PTAR1: variants seen among roughly 807,000 people sequenced by gnomAD.
PTAR1 encodes the protein protein prenyltransferase alpha subunit repeat containing 1, also known as protein prenyltransferase alpha subunit repeat-containing protein 1.
Under a neutral mutation model 45.5 loss-of-function variants are expected in PTAR1, and 17 were observed. The ratio of observed to expected loss-of-function variants is 0.37; its 90% CI spans 0.26 to 0.56. The LOEUF is 0.56. Among genes scored for constraint, PTAR1 ranks in the 20% least tolerant of loss-of-function variants. PTAR1 has a pLI of 0.77. For synonymous variants in PTAR1, 169 were observed against 171.3 expected (o/e 0.99, Z 0.11); for missense variants, 391 against 476.3 (o/e 0.82, Z 1.67).
At chr9:69,758,699 C>A in intron 1 of PTAR1, 3 of 413,790 alleles carry the variant, frequency 7.3e-6, no homozygotes, top group South Asian at 3.5e-5. Flanking sequence ...GTTTTACAAT[C>A]ATCACCTTGG....
chr9:69,743,657 G>A (rs1444198942), intron 2 of PTAR1, among the ~76,000 whole-genome samples: 1 of 151,832 alleles, frequency 6.6e-6, no homozygotes, highest in East Asian at 1.9e-4. Flanking sequence ...GTAGTTTTTG[G>A]CACTAACTTA....
chr9:69,732,193 A>G lies in PTAR1; in HGVS notation c.588T>C (p.Asn196=). 1 of 1,613,830 alleles carries G rather than the reference A, an allele frequency of 6.2e-7. No individual in the cohort carries two copies. Among genetic ancestry groups the G allele is most frequent in the Non-Finnish European group, 8.5e-7 (1 of 1,179,824 alleles). ...AAACCCAGATGCGATGGGACCAAGC[A>G]TTATAGTTGCTTGGGTATCTCCCTG... ...EAAGRYPSNY[N]AWSHRIWVLQ... The change falls in exon 5 of 8, where the codon AAT becomes AAC. Residue 196 remains asparagine, a synonymous_variant. Transcript: ENST00000340434.
chr9:69,734,560 G>A (rs924165938), intron 3 of PTAR1, among the ~76,000 whole-genome samples: 2 of 151,976 alleles, frequency 1.3e-5, no homozygotes, highest in African/African-American at 4.8e-5. Context: ...GGGTAAATGG[G>A]GTTTTCTGGC....
chr9:69,722,639 G>A (rs1163745804), intron 6 of PTAR1, among the ~76,000 whole-genome samples: 11 of 150,376 alleles, frequency 7.3e-5, no homozygotes, highest in Non-Finnish European at 1.6e-4. Flanking sequence ...CTTTTTCTAG[G>A]GGGGAAAAAA....
chr9:69,726,984 G>A (rs1383163978), intron 5 of PTAR1, among the ~76,000 whole-genome samples: 1 of 144,580 alleles, frequency 6.9e-6, no homozygotes, highest in Non-Finnish European at 1.5e-5. Flanking sequence ...TCTCCCTCAG[G>A]TCTATTGAAG....
chr9:69,734,802 T>C (rs1469130339), intron 3 of PTAR1, among the ~76,000 whole-genome samples: 1 of 152,198 alleles, frequency 6.6e-6, no homozygotes, highest in Non-Finnish European at 1.5e-5. Context: ...CCCTTCTACT[T>C]TTCCCTATCA....
At chr9:69,746,880 A>G (rs555796742) in intron 2 of PTAR1, among the ~76,000 whole-genome samples, 3 of 152,344 alleles carry the variant, frequency 2.0e-5, no homozygotes, top group South Asian at 4.1e-4. Context: ...GGATTTGACA[A>G]CTGTCTCTAA....
rs1588438764 is a variant in PTAR1 at position 69,717,091 on chromosome 9, G to A, written c.*1251C>T. The A allele has an allele frequency of 1.3e-5, 2 of 152,238 alleles. No individual in the cohort carries two copies. The highest frequency in any genetic ancestry group is 2.1e-4 in the South Asian group (1 of 4,822). 9.4% of individuals were successfully genotyped at this position (152,238 alleles called of 1,614,324 possible). A position where few individuals can be genotyped will look rare whatever the true frequency, so the allele number is the denominator to read the frequency against. On this transcript the variant is annotated 3_prime_UTR_variant, in exon 8 of 8. Transcript: ENST00000340434. Reference sequence around the variant, plus strand: ...AAACATAAGATACGGCTATAATGTGGATACTTTGGTACCTCATCCCTGATT... The same window carrying A: ...AAACATAAGATACGGCTATAATGTGAATACTTTGGTACCTCATCCCTGATT...
intron 2 of PTAR1, among the ~76,000 whole-genome samples, chr9:69,743,717 A>G (rs901259519): frequency 1.3e-5 from 2 of 152,226 alleles, no homozygotes; most frequent in Non-Finnish European, 2.9e-5. Flanking sequence ...TATTCATTTA[A>G]TTCCACAAAT....
At chr9:69,722,111 A>G (rs1262329222) in intron 6 of PTAR1, among the ~76,000 whole-genome samples, 1 of 152,212 alleles carries the variant, frequency 6.6e-6, no homozygotes, top group East Asian at 1.9e-4. Flanking sequence ...TGTTCTGAAT[A>G]TATTTAGTAA....
chr9:69,731,175 CATT>C (rs1825516924), intron 5 of PTAR1, among the ~76,000 whole-genome samples: 1 of 152,082 alleles, frequency 6.6e-6, no homozygotes, highest in Non-Finnish European at 1.5e-5. Flanking sequence ...AAAAGTCTCC[CATT>C]TGCCCTGGCC....
intron 3 of PTAR1, among the ~76,000 whole-genome samples, chr9:69,741,095 T>A (rs1424229505): frequency 6.6e-6 from 1 of 152,154 alleles, no homozygotes; most frequent in Non-Finnish European, 1.5e-5. Flanking sequence ...GTCTCAGGGC[T>A]CAGTCTTTGA....
intron 1 of PTAR1, among the ~76,000 whole-genome samples, chr9:69,753,150 T>A (rs963849776): frequency 7.4e-5 from 11 of 147,750 alleles, no homozygotes; most frequent in Admixed American, 1.4e-4. Context: ...ATTTTTTTTT[T>A]AAACTTAAAT....
rs11298970 is a variant in PTAR1 at position 69,740,654 on chromosome 9, GAAAA to G, written c.323+1134_323+1137del. Among the ~76,000 whole-genome samples the G allele has an allele frequency of 7.1e-4, 102 of 143,100 alleles. 1 individual carries two copies. Among genetic ancestry groups the G allele is most frequent in the East Asian group, 4.7e-3 (23 of 4,944 alleles). The allele number at this position is 143,100 out of a possible 152,430, so 93.9% of individuals were successfully genotyped here. On this transcript the variant is annotated intron_variant, in intron 3 of 7. Transcript: ENST00000340434. ...AGTTAGATGCTAAGGAAACAAAGGG[GAAAA>G]AAAAAAAAAAAAAGACATGGTCCCT...
chr9:69,751,740 T>C (rs1284390388), intron 1 of PTAR1, among the ~76,000 whole-genome samples: 1 of 152,050 alleles, frequency 6.6e-6, no homozygotes, highest in African/African-American at 2.4e-5. Context: ...GGGCCATTTT[T>C]TCTTCTTTAT....
At chr9:69,752,175 T>C (rs941075896) in intron 1 of PTAR1, among the ~76,000 whole-genome samples, 3 of 152,112 alleles carry the variant, frequency 2.0e-5, no homozygotes, top group African/African-American at 7.2e-5. Context: ...TTTCAGAGTT[T>C]GTGTGTGACA....
chr9:69,739,570 T>C (rs919398926), intron 3 of PTAR1, among the ~76,000 whole-genome samples: 2 of 152,300 alleles, frequency 1.3e-5, no homozygotes, highest in Admixed American at 1.3e-4. Context: ...CATTATTCTT[T>C]AGCAGTTTGA....
Position 69,715,406 on chromosome 9 carries a change from T to C in PTAR1, c.*2936A>G, listed in dbSNP as rs536625341. 3 of 152,246 alleles carry C rather than the reference T, an allele frequency of 2.0e-5. No homozygotes were observed. Among genetic ancestry groups the C allele is most frequent in the East Asian group, 3.9e-4 (2 of 5,184 alleles). 9.4% of individuals were successfully genotyped at this position (152,246 alleles called of 1,614,324 possible). ...ATAAATATTTAATGAGTCCTCACAATGTGCAGGGCACAAGTAGAATCTGGA... is the reference window on the plus strand; with the variant it reads ...ATAAATATTTAATGAGTCCTCACAACGTGCAGGGCACAAGTAGAATCTGGA... On this transcript the variant is annotated 3_prime_UTR_variant, in exon 8 of 8. Transcript: ENST00000340434.
intron 3 of PTAR1, among the ~76,000 whole-genome samples, chr9:69,740,068 A>T (rs998146493): frequency 6.6e-6 from 1 of 152,194 alleles, no homozygotes; most frequent in African/African-American, 2.4e-5. Context: ...GTTATACTCA[A>T]AGTCAGCCGC....
Sources: gnomAD v4.1 joint callset for allele counts (sites outside exome capture counted in the v4.1 genomes callset) on GRCh38, gnomAD v4.1.1 for gene constraint, MANE v1.5 for transcripts, NCBI Gene and HGNC (gene_info 2026-07-23, HGNC 2026-07-21) for gene names.